Variants in TMC8 observed in about 807,000 individuals in gnomAD.
TMC8 encodes the protein transmembrane channel-like protein 8.
TMC8 carries 71 observed loss-of-function variants against 76.0 expected under a neutral mutation model. That is an observed-to-expected ratio of 0.93 (90% CI 0.77 to 1.14). TMC8 has a LOEUF of 1.14. TMC8 is among the 50% of genes most tolerant of loss of function. TMC8 has a pLI of 0.00. For synonymous variants in TMC8, 433 were observed against 433.8 expected (o/e 1.00, Z 0.02); for missense variants, 924 against 947.9 (o/e 0.97, Z 0.33).
chr17:78,135,368 C>G (rs2075196609), intron 9 of TMC8, among the ~76,000 whole-genome samples: 1 of 152,192 alleles, frequency 6.6e-6, no homozygotes, highest in Non-Finnish European at 1.5e-5. Flanking sequence ...CCTGGACAAC[C>G]CTCACGTGAC....
rs534612632 is a variant in TMC8 at position 78,133,321 on chromosome 17, C to T, written c.532-85C>T. The T allele has an allele frequency of 9.4e-5, 150 of 1,603,430 alleles. 1 individual carries two copies. The Middle Eastern group carries it at 1.3e-3, about 14-fold the overall frequency. On this transcript the variant is annotated intron_variant, in intron 5 of 15. Coordinates refer to ENST00000318430, the MANE Select transcript of TMC8 (RefSeq NM_152468.5). ...CTCCCTACCTGATGGGGGGATTGCA[C>T]GGGGGCTAACAAGATCATATATGGA...
At position 78,131,919 on chromosome 17, in the gene TMC8, T is replaced by C; in HGVS notation, c.187T>C (p.Trp63Arg). 5.3e-6 allele frequency: 8 copies of C among 1,496,940 alleles called. No homozygotes were observed. Among genetic ancestry groups the C allele is most frequent in the Non-Finnish European group, 7.1e-6 (8 of 1,129,336 alleles). The allele number at this position is 1,496,940 out of a possible 1,614,324, so 92.7% of individuals were successfully genotyped here. A position where few individuals can be genotyped will look rare whatever the true frequency, so the allele number is the denominator to read the frequency against. Reference protein sequence around the residue: ...REPAGVQTLRWQRWQRRRQTV... With the variant: ...REPAGVQTLRRQRWQRRRQTV... Reference sequence around the variant, plus strand: ...GCCCGCGGGGGTGCAGACCTTGCGCTGGCAGCGGTGGCAGCGCCGGCGGCA... The same window carrying C: ...GCCCGCGGGGGTGCAGACCTTGCGCCGGCAGCGGTGGCAGCGCCGGCGGCA... The change falls in exon 3 of 16, where the codon TGG becomes CGG. Residue 63 changes from tryptophan (W) to arginine (R), a missense_variant. By Grantham distance (101) the Trp-to-Arg change is moderately radical. Coordinates refer to ENST00000318430, the MANE Select transcript of TMC8 (RefSeq NM_152468.5).
intron 14 of TMC8, 101 bp from the exon 15 acceptor site, chr17:78,139,061 A>G: frequency 2.5e-6 from 4 of 1,582,270 alleles, no homozygotes; most frequent in Non-Finnish European, 3.4e-6. Flanking sequence ...AGAAGACCCC[A>G]GTACCGCGTA....
intron 6 of TMC8, 139 bp from the exon 7 acceptor site, chr17:78,133,714 C>A (rs1315119679): frequency 2.0e-6 from 3 of 1,520,356 alleles, no homozygotes; most frequent in South Asian, 1.2e-5. Context: ...AGGGCCACCG[C>A]CCCCTACCCC....
chr17:78,135,514 G>A (rs1201228303), intron 9 of TMC8, among the ~76,000 whole-genome samples: 2 of 152,104 alleles, frequency 1.3e-5, no homozygotes, highest in Admixed American at 1.3e-4. Context: ...GACCTCCTGG[G>A]CTCAAGCGAT....
intron 5 of TMC8, 56 bp from the exon 6 acceptor site, chr17:78,133,350 C>G: frequency 6.2e-7 from 1 of 1,612,750 alleles, no homozygotes; most frequent in East Asian, 2.2e-5. Flanking sequence ...ATATGGAAAG[C>G]ACTTGAGCAG....
rs2074964532 is a variant in TMC8 at position 78,131,533 on chromosome 17, C to A, written c.-56C>A. 24 of 1,533,674 alleles carry A rather than the reference C, an allele frequency of 1.6e-5. No individual in the cohort carries two copies. The highest frequency in any genetic ancestry group is 1.9e-5 in the Non-Finnish European group (22 of 1,144,682). On this transcript the variant is annotated 5_prime_UTR_variant, in exon 2 of 16. Coordinates refer to ENST00000318430, the MANE Select transcript of TMC8 (RefSeq NM_152468.5). ...GCCTTAAGGCTCATCCAACCGGGGA[C>A]TCATATCCCCCCCACCGGCAGCCCG...
intron 9 of TMC8, among the ~76,000 whole-genome samples, chr17:78,136,256 G>C (rs139264780): frequency 2.6e-5 from 4 of 152,236 alleles, no homozygotes; most frequent in African/African-American, 9.6e-5. Flanking sequence ...TTGATCCCAG[G>C]AGTTTGAGAC....
rs2075279480 is a variant in TMC8, at chr17:78,138,008, G to A, written c.1353G>A (p.Leu451=). Residue 451 remains leucine (L), a synonymous_variant, in exon 12 of 16, where the codon CTG becomes CTA. Coordinates refer to ENST00000318430, the MANE Select transcript of TMC8 (RefSeq NM_152468.5). ...CTGGACCCTCCCATCCCTGCAGGCTGCTGGTGGACCGGTTCTCAGGCCGGT... is the reference window on the plus strand; with the variant it reads ...CTGGACCCTCCCATCCCTGCAGGCTACTGGTGGACCGGTTCTCAGGCCGGT... The part of the protein sequence containing the change: ...FAFLVTLPRR[L]LVDRFSGRFW... 1 of 1,613,906 alleles carries A rather than the reference G, an allele frequency of 6.2e-7. No individual in the cohort carries two copies. Among genetic ancestry groups the A allele is most frequent in the Non-Finnish European group, 8.5e-7 (1 of 1,180,008 alleles).
intron 9 of TMC8, 44 bp downstream of exon 9, chr17:78,135,053 C>T (rs1484938274): frequency 1.9e-6 from 3 of 1,612,174 alleles, no homozygotes. Context: ...TGTAACAAGT[C>T]TGCATCCTGC....
At chr17:78,137,531 A>C (rs554372674) in intron 10 of TMC8, 173 bp downstream of exon 10, 2 of 1,248,720 alleles carry the variant, frequency 1.6e-6, no homozygotes, top group Middle Eastern at 1.9e-4. Flanking sequence ...CACATGGTGT[A>C]GTGTGGCTGC....
At chr17:78,140,515 C>A (rs1438884548) in intron 15 of TMC8, among the ~76,000 whole-genome samples, 3 of 149,782 alleles carry the variant, frequency 2.0e-5, no homozygotes, top group African/African-American at 7.4e-5. Context: ...CCTAGTGGGG[C>A]GTGGTCTCAG....
chr17:78,137,488 C>T, intron 10 of TMC8, 130 bp downstream of exon 10: 2 of 1,500,472 alleles, frequency 1.3e-6, no homozygotes, highest in Non-Finnish European at 9.2e-7. Flanking sequence ...GCTGCCTGCA[C>T]CGCCGCACAC....
At chr17:78,133,689 G>A (rs993338508) in intron 6 of TMC8, 147 bp downstream of exon 6, 36 of 1,532,424 alleles carry the variant, frequency 2.3e-5, no homozygotes, top group Non-Finnish European at 2.7e-5. Flanking sequence ...GGCTCTGGCC[G>A]CAAACCTTAG....
intron 9 of TMC8, 68 bp downstream of exon 9, chr17:78,135,077 T>C (rs971144545): frequency 4.7e-5 from 75 of 1,604,660 alleles, no homozygotes; most frequent in Non-Finnish European, 6.0e-5. Context: ...TCTCTTTTGG[T>C]TGTCACCTGG....
chr17:78,138,660 C>T lies in TMC8; in HGVS notation c.1751C>T (p.Pro584Leu), dbSNP rs150356106. The change falls in exon 14 of 16, where the codon CCG becomes CTG. Residue 584 changes from proline (P) to leucine (L), a missense_variant. Transcript: ENST00000318430. ...VVPELVALGL[P>L]PIGQRALHYL... ...CCGGAGCTGGTGGCCCTTGGGCTCC[C>T]GCCCATTGGCCAGCGTGCCCTCCAC... The T allele has an allele frequency of 1.4e-5, 23 of 1,613,626 alleles. No individual in the cohort carries two copies. Among genetic ancestry groups the T allele is most frequent in the South Asian group, 5.5e-5 (5 of 91,092 alleles).
chr17:78,133,767 C>T (rs991852012), intron 6 of TMC8, 86 bp from the exon 7 acceptor site: 1 of 1,599,978 alleles, frequency 6.3e-7, no homozygotes. Flanking sequence ...CTGCAGGGGC[C>T]TTCCCAGACC....
intron 15 of TMC8, among the ~76,000 whole-genome samples, chr17:78,140,409 G>A (rs1481886872): frequency 2.0e-5 from 3 of 152,204 alleles, no homozygotes; most frequent in African/African-American, 7.2e-5. Flanking sequence ...TGGCTAAGGC[G>A]TGGCCTCAGG....
Position 78,131,946 on chromosome 17 carries a change from A to T in TMC8, c.214A>T (p.Thr72Ser), listed in dbSNP as rs1397714168. 2 of 1,511,012 alleles carry T rather than the reference A, an allele frequency of 1.3e-6. No homozygotes were observed. Among genetic ancestry groups the T allele is most frequent in the Non-Finnish European group, 1.8e-6 (2 of 1,135,334 alleles). The allele number at this position is 1,511,012 out of a possible 1,614,324, so 93.6% of individuals were successfully genotyped here. The change falls in exon 3 of 16, where the codon ACG (threonine) becomes TCG (serine). Residue 72 changes from threonine to serine, a missense_variant. Physicochemically the swap from Thr to Ser is moderately conservative, Grantham distance 58. Transcript: ENST00000318430. ...GCAGCGGTGGCAGCGCCGGCGGCAG[A>T]CGGTGGAAAGGCGCCTGCGGGAGGC... The part of the protein sequence containing the change: ...RWQRWQRRRQ[T>S]VERRLREAAQ...
Sources: allele counts gnomAD v4.1 joint callset (sites outside exome capture counted in the v4.1 genomes callset), GRCh38; gene constraint gnomAD v4.1.1; transcripts MANE v1.5; gene names NCBI Gene and HGNC (gene_info 2026-07-23, HGNC 2026-07-21).